EXOC6B: variants seen among roughly 807,000 people sequenced by gnomAD.
EXOC6B encodes the protein SEC15 homolog B.
EXOC6B carries 54 observed loss-of-function variants against 113.5 expected under a neutral mutation model. That is an observed-to-expected ratio of 0.48 (90% CI 0.38 to 0.60). The LOEUF (loss-of-function observed/expected upper bound fraction) is 0.60, where lower values mean the gene tolerates loss of function less well. Ranked by LOEUF, EXOC6B falls within the 20% of genes least tolerant of loss-of-function variation. The pLI is 0.00. For synonymous variants in EXOC6B, 357 were observed against 339.0 expected (o/e 1.05, Z -0.58); for missense variants, 797 against 977.5 (o/e 0.82, Z 2.46).
intron 1 of EXOC6B, among the ~76,000 whole-genome samples, chr2:72,765,055 C>G (rs1448303719): frequency 6.6e-6 from 1 of 151,658 alleles, no homozygotes; most frequent in Non-Finnish European, 1.5e-5. Flanking sequence ...GAGTTCAATA[C>G]CAGCCTGAGC....
chr2:72,435,550 G>A (rs1402657758), intron 18 of EXOC6B, among the ~76,000 whole-genome samples: 2 of 152,138 alleles, frequency 1.3e-5, no homozygotes, highest in East Asian at 3.8e-4. Context: ...AAGTCTTCTT[G>A]TAGGTCTTTA....
At chr2:72,765,973 T>C (rs1573760414) in intron 1 of EXOC6B, among the ~76,000 whole-genome samples, 3 of 152,316 alleles carry the variant, frequency 2.0e-5, no homozygotes, top group Admixed American at 2.0e-4. Context: ...ATGGGAAGAA[T>C]ACATAGCACT....
intron 18 of EXOC6B, among the ~76,000 whole-genome samples, chr2:72,392,233 A>G (rs562451051): frequency 1.8e-4 from 27 of 152,242 alleles, no homozygotes; most frequent in African/African-American, 5.1e-4. Context: ...GCAGTGGCTT[A>G]CCCTTGGCCT....
intron 18 of EXOC6B, chr2:72,463,369 T>A (rs995149319): frequency 2.0e-5 from 3 of 151,932 alleles, no homozygotes; most frequent in African/African-American, 7.3e-5. Context: ...AAAAAACATA[T>A]TAAAAGGCAT....
intron 6 of EXOC6B, among the ~76,000 whole-genome samples, chr2:72,595,408 TAAA>T (rs1336461084): frequency 6.7e-6 from 1 of 149,390 alleles, no homozygotes; most frequent in Admixed American, 6.7e-5. Flanking sequence ...TGTATTAAAA[TAAA>T]AAATTTTGAA....
intron 8 of EXOC6B, among the ~76,000 whole-genome samples, chr2:72,538,142 T>C (rs949665654): frequency 6.6e-6 from 1 of 151,904 alleles, no homozygotes; most frequent in African/African-American, 2.4e-5. Context: ...TTTTAATTTT[T>C]AGTAGAAATG....
intron 21 of EXOC6B, chr2:72,183,014 T>C (rs1372000326): frequency 6.1e-6 from 4 of 652,462 alleles, no homozygotes; most frequent in Non-Finnish European, 6.5e-6. Context: ...TTTTAGTCTC[T>C]TGGCTCCAAA....
intron 20 of EXOC6B, among the ~76,000 whole-genome samples, chr2:72,211,139 G>GT (rs1680162969): frequency 6.6e-6 from 1 of 152,160 alleles, no homozygotes; most frequent in Non-Finnish European, 1.5e-5. Flanking sequence ...CCTGCAACCT[G>GT]TAAGACTCAT....
chr2:72,761,979 C>T (rs888561974), intron 1 of EXOC6B, among the ~76,000 whole-genome samples: 5 of 152,012 alleles, frequency 3.3e-5, no homozygotes, highest in Non-Finnish European at 7.4e-5. Flanking sequence ...GGCATGGTGG[C>T]TCATGCCTGT....
At chr2:72,457,629 A>T (rs1697323348) in intron 18 of EXOC6B, among the ~76,000 whole-genome samples, 1 of 152,156 alleles carries the variant, frequency 6.6e-6, no homozygotes, top group Non-Finnish European at 1.5e-5. Context: ...ATAAATTCTC[A>T]AAAACATGCT....
At chr2:72,649,242 G>C (rs62150295) in intron 6 of EXOC6B, among the ~76,000 whole-genome samples, 2 of 151,932 alleles carry the variant, frequency 1.3e-5, no homozygotes, top group African/African-American at 4.8e-5. Context: ...ATGGTTAATG[G>C]GCACAAAAAA....
intron 11 of EXOC6B, among the ~76,000 whole-genome samples, chr2:72,506,763 T>C (rs1488369349): frequency 6.6e-6 from 1 of 152,148 alleles, no homozygotes; most frequent in African/African-American, 2.4e-5. Flanking sequence ...TTGTCTCCCA[T>C]GTGATATAAT....
intron 20 of EXOC6B, among the ~76,000 whole-genome samples, chr2:72,321,792 T>C (rs1274025005): frequency 6.6e-6 from 1 of 152,202 alleles, no homozygotes; most frequent in Admixed American, 6.5e-5. Flanking sequence ...GGAAATATTC[T>C]GTGATCTTGG....
In EXOC6B at chr2:72,178,287, G is replaced by T. The variant is rs1282321826; in HGVS notation, c.*1048C>A. The T allele has an allele frequency of 3.3e-5, 5 of 152,228 alleles. No homozygotes were observed. Among genetic ancestry groups the T allele is most frequent in the Non-Finnish European group, 7.3e-5 (5 of 68,062 alleles). The allele number at this position is 152,228 out of a possible 1,614,324, so 9.4% of individuals were successfully genotyped here. A position where few individuals can be genotyped will look rare whatever the true frequency, so the allele number is the denominator to read the frequency against. On this transcript the variant is annotated 3_prime_UTR_variant, in exon 22 of 22. Transcript: ENST00000272427. ...TGGCTGCCCCCACAGTGCAGAGCTG[G>T]TGACATTTCCTTAAAGATGATAACC...
At chr2:72,270,522 T>C (rs1295538281) in intron 20 of EXOC6B, among the ~76,000 whole-genome samples, 1 of 152,134 alleles carries the variant, frequency 6.6e-6, no homozygotes, top group East Asian at 1.9e-4. Context: ...GAAGAAACCT[T>C]CAGTGAAGTC....
chr2:72,470,681 T>C (rs895093139), intron 17 of EXOC6B, among the ~76,000 whole-genome samples: 1 of 145,400 alleles, frequency 6.9e-6, no homozygotes, highest in Non-Finnish European at 1.5e-5. Context: ...TGTGTTCTCA[T>C]TGTTCAATTC....
intron 6 of EXOC6B, among the ~76,000 whole-genome samples, chr2:72,655,675 G>A (rs900992922): frequency 3.3e-5 from 5 of 151,842 alleles, no homozygotes; most frequent in East Asian, 1.9e-4. Context: ...AGTATCCAAC[G>A]CCTGGCAATA....
Position 72,274,713 on chromosome 2 carries a change from T to C in EXOC6B, c.2196+60234A>G, listed in dbSNP as rs180942065. On this transcript the variant is annotated intron_variant, in intron 20 of 21. Coordinates refer to ENST00000272427, the MANE Select transcript of EXOC6B (RefSeq NM_015189.3). ...AATTAGATCATTCCAATCTCATGAA[T>C]AGTGTAAATCCACCCCGTAATAAAA... 1.9e-4 allele frequency among the ~76,000 whole-genome samples: 29 copies of C among 152,248 alleles called. 1 individual carries two copies. Among genetic ancestry groups the C allele is most frequent in the African/African-American group, 6.7e-4 (28 of 41,564 alleles).
intron 6 of EXOC6B, among the ~76,000 whole-genome samples, chr2:72,619,916 G>C (rs971292187): frequency 7.2e-5 from 11 of 152,342 alleles, no homozygotes; most frequent in Middle Eastern, 3.4e-3. Context: ...CTGGTGGAGA[G>C]TGGCCATAGA....
Sources: gnomAD v4.1 joint callset for allele counts (sites outside exome capture counted in the v4.1 genomes callset) on GRCh38, gnomAD v4.1.1 for gene constraint, MANE v1.5 for transcripts, NCBI Gene and HGNC (gene_info 2026-07-23, HGNC 2026-07-21) for gene names.